The following NHS variants were observed in gnomAD, a reference collection of about 807,000 sequenced individuals.
The protein encoded by NHS is NHS actin remodeling regulator, also known as actin remodeling regulator NHS.
In NHS, 5 loss-of-function variants were observed where a neutral mutation model predicts 72.5. That is an observed-to-expected ratio of 0.07 (90% CI 0.04 to 0.14). NHS has a LOEUF of 0.14. Among genes scored for constraint, NHS ranks in the 10% least tolerant of loss-of-function variants. The pLI, the probability that NHS is intolerant of heterozygous loss-of-function variation, is 1.00. For synonymous variants in NHS, 464 were observed against 547.7 expected, an observed-to-expected ratio of 0.85 and a Z score of 2.13; for missense variants, 1,072 against 1,355.7, an observed-to-expected ratio of 0.79 and a Z score of 3.29.
chrX:17,661,055 G>A (rs187029109), intron 1 of NHS, among the ~76,000 whole-genome samples: 2 of 111,409 alleles, frequency 1.8e-5, no homozygotes, highest in African/African-American at 6.5e-5. Flanking sequence ...TATGCCCTAC[G>A]GAAGCATCAA....
chrX:17,690,012 G>A (rs1351068892), intron 2 of NHS, among the ~76,000 whole-genome samples: 3 of 111,332 alleles, frequency 2.7e-5, no homozygotes, highest in Non-Finnish European at 5.7e-5. Flanking sequence ...CCTCCTGTGG[G>A]GCGGTGAGAG....
intron 3 of NHS, among the ~76,000 whole-genome samples, chrX:17,715,132 G>A (rs1294706210): frequency 3.6e-5 from 4 of 111,706 alleles, no homozygotes; most frequent in Non-Finnish European, 7.5e-5. Flanking sequence ...CCCAAGCAGT[G>A]TACACTGTTA....
intron 1 of NHS, among the ~76,000 whole-genome samples, chrX:17,620,337 G>A (rs1335515780): frequency 3.6e-5 from 4 of 111,837 alleles, no homozygotes; most frequent in African/African-American, 6.5e-5. Context: ...TAACAAAAAC[G>A]TTTTAGAGCA....
chrX:17,460,396 G>C (rs2064842251), intron 1 of NHS, among the ~76,000 whole-genome samples: 1 of 111,773 alleles, frequency 8.9e-6, no homozygotes, highest in Non-Finnish European at 1.9e-5. Flanking sequence ...TGAAGGGAAA[G>C]CAAAGCACAT....
intron 1 of NHS, among the ~76,000 whole-genome samples, chrX:17,507,681 C>T (rs974347212): frequency 1.6e-4 from 18 of 112,368 alleles, no homozygotes; most frequent in Non-Finnish European, 3.2e-4. Context: ...TGTCTGATCA[C>T]TTTCTTTATT....
chrX:17,580,019 C>T (rs1327908305), intron 1 of NHS, among the ~76,000 whole-genome samples: 2 of 110,860 alleles, frequency 1.8e-5, no homozygotes, highest in Non-Finnish European at 3.8e-5. Context: ...TCTCACATCC[C>T]CCCATTTCTT....
At chrX:17,584,180 C>T (rs1208180253) in intron 1 of NHS, among the ~76,000 whole-genome samples, 2 of 111,878 alleles carry the variant, frequency 1.8e-5, no homozygotes, top group Non-Finnish European at 3.8e-5. Flanking sequence ...ATTAGAGACT[C>T]TCAAAAGAAG....
rs778476314 is a variant in NHS, at chrX:17,731,908, G to C, written c.4400G>C (p.Arg1467Pro). Reference sequence around the variant, plus strand: ...AAAGATTCCGGGGACATGTCTGTTCGAAGCAAATCGAGAGCTCCCCTCAGC... The same window carrying C: ...AAAGATTCCGGGGACATGTCTGTTCCAAGCAAATCGAGAGCTCCCCTCAGC... ...GRKDSGDMSV[R>P]SKSRAPLSSS... Residue 1467 changes from arginine to proline, a missense_variant, in exon 9 of 9, where the codon CGA becomes CCA. Coordinates refer to ENST00000676302, the MANE Select transcript of NHS (RefSeq NM_001291867.2). 2 of 1,208,114 alleles carry C rather than the reference G, an allele frequency of 1.7e-6. No individual in the cohort carries two copies. Among genetic ancestry groups the C allele is most frequent in the Non-Finnish European group, 2.2e-6 (2 of 894,099 alleles).
chrX:17,696,399 C>G (rs2066230409), intron 3 of NHS, among the ~76,000 whole-genome samples: 1 of 111,685 alleles, frequency 9.0e-6, no homozygotes, highest in Non-Finnish European at 1.9e-5. Flanking sequence ...TCATTTGCCT[C>G]CAGGCAGAAT....
At chrX:17,692,030 T>TTTG (rs768650135) in intron 2 of NHS, among the ~76,000 whole-genome samples, 19 of 111,430 alleles carry the variant, frequency 1.7e-4, no homozygotes, top group East Asian at 2.8e-4. Context: ...GTTCTCAACT[T>TTTG]TTGTTGTTGT....
intron 1 of NHS, among the ~76,000 whole-genome samples, chrX:17,388,569 A>G (rs918483489): frequency 8.2e-5 from 9 of 109,704 alleles, no homozygotes; most frequent in African/African-American, 2.7e-4. Context: ...GATGGCAAGG[A>G]GGCCAGGGTG....
chrX:17,628,195 T>C (rs1218515792), intron 1 of NHS, among the ~76,000 whole-genome samples: 1 of 112,557 alleles, frequency 8.9e-6, no homozygotes, highest in Non-Finnish European at 1.9e-5. Context: ...AGGTACTTGG[T>C]AATTGTTCTT....
intron 1 of NHS, among the ~76,000 whole-genome samples, chrX:17,388,217 G>A (rs2064420301): frequency 8.9e-6 from 1 of 111,889 alleles, no homozygotes; most frequent in African/African-American, 3.3e-5. Flanking sequence ...AGTTTCATCA[G>A]TAAACAAAAA....
intron 1 of NHS, among the ~76,000 whole-genome samples, chrX:17,428,738 A>G (rs1020456322): frequency 1.8e-5 from 2 of 111,759 alleles, no homozygotes; most frequent in East Asian, 2.8e-4. Flanking sequence ...GGTGAGCCCA[A>G]GTTTAAGAAA....
intron 1 of NHS, among the ~76,000 whole-genome samples, chrX:17,616,450 T>A (rs1224397320): frequency 8.9e-6 from 1 of 112,882 alleles, no homozygotes; most frequent in Non-Finnish European, 1.9e-5. Context: ...TTTAAAAATA[T>A]CTAATAATGA....
At chrX:17,597,896 C>T (rs1402158038) in intron 1 of NHS, among the ~76,000 whole-genome samples, 2 of 111,275 alleles carry the variant, frequency 1.8e-5, no homozygotes, top group Non-Finnish European at 3.8e-5. Flanking sequence ...CAAACCCAAG[C>T]GAGAGAGGGT....
chrX:17,677,699 C>A (rs1037112370), intron 1 of NHS, among the ~76,000 whole-genome samples: 6 of 111,951 alleles, frequency 5.4e-5, no homozygotes, highest in Non-Finnish European at 9.4e-5. Context: ...GGGAGCTAAT[C>A]CAAATCCAAT....
At chrX:17,568,741 G>T (rs1462591785) in intron 1 of NHS, among the ~76,000 whole-genome samples, 3 of 107,051 alleles carry the variant, frequency 2.8e-5, no homozygotes, top group African/African-American at 1.0e-4. Flanking sequence ...TAGGTATACA[G>T]GTGCCATGGT....
At chrX:17,485,506 C>T (rs1242416609) in intron 1 of NHS, among the ~76,000 whole-genome samples, 2 of 111,494 alleles carry the variant, frequency 1.8e-5, no homozygotes. Flanking sequence ...CTGAAATGTG[C>T]TGACCTGGAG....
Sources: gnomAD v4.1 joint callset for allele counts (sites outside exome capture counted in the v4.1 genomes callset) on GRCh38, gnomAD v4.1.1 for gene constraint, MANE v1.5 for transcripts, NCBI Gene and HGNC (gene_info 2026-07-23, HGNC 2026-07-21) for gene names.